Variants in PTPN12 observed in about 807,000 individuals in gnomAD.
PTPN12 encodes the protein protein tyrosine phosphatase non-receptor type 12, also known as tyrosine-protein phosphatase non-receptor type 12.
PTPN12 carries 29 observed loss-of-function variants against 97.6 expected under a neutral mutation model. That is an observed-to-expected ratio of 0.30 (90% CI 0.22 to 0.41). PTPN12 has a LOEUF of 0.41. Among genes scored for constraint, PTPN12 ranks in the 10% least tolerant of loss-of-function variants. The pLI, the probability that PTPN12 is intolerant of heterozygous loss-of-function variation, is 1.00. For synonymous variants in PTPN12, 327 were observed against 300.4 expected (o/e 1.09, Z -0.91); for missense variants, 819 against 926.0 (o/e 0.88, Z 1.50).
At chr7:77,590,440 G>A (rs1787829488) in intron 5 of PTPN12, among the ~76,000 whole-genome samples, 1 of 152,150 alleles carries the variant, frequency 6.6e-6, no homozygotes, top group African/African-American at 2.4e-5. Context: ...TGTAAGTATA[G>A]TGGCTCACAC....
intron 2 of PTPN12, among the ~76,000 whole-genome samples, chr7:77,579,344 C>G (rs1390622731): frequency 6.6e-6 from 1 of 152,128 alleles, no homozygotes; most frequent in Non-Finnish European, 1.5e-5. Context: ...AGGCTGGTCT[C>G]AAACTCTTAA....
chr7:77,544,589 A>G (rs771837544), intron 1 of PTPN12, among the ~76,000 whole-genome samples: 2 of 152,230 alleles, frequency 1.3e-5, no homozygotes, highest in Non-Finnish European at 2.9e-5. Flanking sequence ...TAAAGGATGA[A>G]ACTGAAAGTA....
chr7:77,544,914 A>G (rs1212784639), intron 1 of PTPN12, among the ~76,000 whole-genome samples: 7 of 152,194 alleles, frequency 4.6e-5, no homozygotes, highest in African/African-American at 1.7e-4. Context: ...GATCATGAGA[A>G]CTGCTTCTTC....
chr7:77,562,714 T>C (rs1476886490), intron 1 of PTPN12, among the ~76,000 whole-genome samples: 1 of 152,046 alleles, frequency 6.6e-6, no homozygotes, highest in African/African-American at 2.4e-5. Flanking sequence ...GCCTTGTGAG[T>C]TGAAACAAAA....
intron 1 of PTPN12, among the ~76,000 whole-genome samples, chr7:77,564,711 T>C (rs1215354807): frequency 6.7e-6 from 1 of 149,990 alleles, no homozygotes; most frequent in African/African-American, 2.4e-5. Flanking sequence ...CTTATGAAAC[T>C]CATACTGTGT....
At chr7:77,556,756 G>A (rs901223248) in intron 1 of PTPN12, among the ~76,000 whole-genome samples, 2 of 152,008 alleles carry the variant, frequency 1.3e-5, no homozygotes, top group African/African-American at 4.8e-5. Flanking sequence ...CTTGAACCCG[G>A]GAGGTGGAGG....
At chr7:77,582,650 G>A (rs2151332328) in intron 3 of PTPN12, among the ~76,000 whole-genome samples, 1 of 152,022 alleles carries the variant, frequency 6.6e-6, no homozygotes, top group Non-Finnish European at 1.5e-5. Flanking sequence ...CGGTCATGGT[G>A]GTGCATGCCT....
chr7:77,597,874 C>T lies in PTPN12; in HGVS notation c.525C>T (p.Ile175=), dbSNP rs960824816. The T allele has an allele frequency of 6.2e-7, 1 of 1,612,438 alleles. No homozygotes were observed. The highest frequency in any genetic ancestry group is 1.7e-5 in the Admixed American group (1 of 59,748). ...EDEQARTDYF[I]RTLLLEFQNE... ...AACAAGCAAGAACAGACTACTTCAT[C>T]AGGACACTCTTACTTGAATTTCAAA... The change falls in exon 7 of 18, where the codon ATC becomes ATT. Residue 175 remains isoleucine, a synonymous_variant. Transcript: ENST00000248594.
intron 3 of PTPN12, among the ~76,000 whole-genome samples, chr7:77,582,824 A>G (rs374143949): frequency 1.3e-5 from 2 of 151,900 alleles, no homozygotes; most frequent in African/African-American, 4.8e-5. Context: ...ATTATTATCT[A>G]TGTCAATATT....
chr7:77,626,435 TAA>T, intron 12 of PTPN12, among the ~76,000 whole-genome samples: 1 of 152,144 alleles, frequency 6.6e-6, no homozygotes, highest in East Asian at 1.9e-4. Context: ...GAAGCAGCTA[TAA>T]AAAAATGTTG....
chr7:77,582,921 ATAGT>A (rs1787569824), intron 3 of PTPN12, among the ~76,000 whole-genome samples: 1 of 152,196 alleles, frequency 6.6e-6, no homozygotes, highest in Admixed American at 6.5e-5. Context: ...TAATAAATTG[ATAGT>A]TTGCTATTTC....
chr7:77,623,751 AGTG>A (rs1789029503), intron 12 of PTPN12, among the ~76,000 whole-genome samples: 1 of 152,204 alleles, frequency 6.6e-6, no homozygotes, highest in Admixed American at 6.5e-5. Context: ...ATTATGGAAA[AGTG>A]GTCTCACCAT....
intron 8 of PTPN12, among the ~76,000 whole-genome samples, chr7:77,601,613 A>T (rs1788190137): frequency 6.6e-6 from 1 of 152,170 alleles, no homozygotes; most frequent in African/African-American, 2.4e-5. Flanking sequence ...ACAGTAAAAA[A>T]ATCACTGCCA....
chr7:77,547,613 CAT>C (rs761456761), intron 1 of PTPN12, among the ~76,000 whole-genome samples: 3 of 152,090 alleles, frequency 2.0e-5, no homozygotes, highest in Non-Finnish European at 2.9e-5. Context: ...AAGTTTCTAA[CAT>C]AGTATATAGA....
chr7:77,623,293 G>A lies in PTPN12; in HGVS notation c.1026-3412G>A, dbSNP rs867529476. Among the ~76,000 whole-genome samples the A allele has an allele frequency of 4.6e-5, 7 of 151,998 alleles. No individual in the cohort carries two copies. The South Asian group carries it at 8.3e-4, about 18-fold the overall frequency. ...ATTAACAAACCCATATATCATACTC[G>A]ATATCTGTCAAGCACTGTTCTAATT... On this transcript the variant is annotated intron_variant, in intron 12 of 17. Transcript: ENST00000248594.
chr7:77,569,220 A>G (rs1231815771), intron 1 of PTPN12, among the ~76,000 whole-genome samples: 2 of 152,174 alleles, frequency 1.3e-5, no homozygotes, highest in Non-Finnish European at 2.9e-5. Context: ...GCAAATGCAA[A>G]TGTTTTTATT....
chr7:77,562,777 A>G (rs1808058286), intron 1 of PTPN12, among the ~76,000 whole-genome samples: 1 of 152,212 alleles, frequency 6.6e-6, no homozygotes, highest in Admixed American at 6.5e-5. Flanking sequence ...CTTCATTTCA[A>G]TAAAATTAAT....
At chr7:77,578,947 AC>A (rs896807271) in intron 2 of PTPN12, among the ~76,000 whole-genome samples, 10 of 152,180 alleles carry the variant, frequency 6.6e-5, no homozygotes, top group African/African-American at 2.4e-4. Context: ...ACCAAGGTTA[AC>A]ATCACAAGTA....
At chr7:77,612,206 A>C (rs1234669537) in intron 11 of PTPN12, among the ~76,000 whole-genome samples, 1 of 152,156 alleles carries the variant, frequency 6.6e-6, no homozygotes, top group African/African-American at 2.4e-5. Flanking sequence ...GTTTGTTAGG[A>C]TAATCTAATA....
Sources: allele counts gnomAD v4.1 joint callset (sites outside exome capture counted in the v4.1 genomes callset), GRCh38; gene constraint gnomAD v4.1.1; transcripts MANE v1.5; gene names NCBI Gene and HGNC (gene_info 2026-07-23, HGNC 2026-07-21).